Variants in RBFOX1 observed in about 807,000 individuals in gnomAD.
RBFOX1 encodes RNA binding fox-1 homolog 1, also known as RNA binding protein fox-1 homolog 1.
A neutral mutation model predicts 57.7 loss-of-function variants in RBFOX1; 8 were observed. The ratio of observed to expected loss-of-function variants is 0.14; its 90% CI spans 0.08 to 0.25. RBFOX1 has a LOEUF of 0.25. RBFOX1 is among the 10% of genes least tolerant of loss of function. The probability of loss-of-function intolerance (pLI) is 1.00; values close to 1 mark genes in which losing one functional copy is unlikely to be tolerated. For synonymous variants in RBFOX1, 326 were observed against 222.4 expected (o/e 1.47, Z -4.15); for missense variants, 611 against 548.5 (o/e 1.11, Z -1.14).
chr16:5,870,508 A>G (rs1014490693), intron 4 of RBFOX1, among the ~76,000 whole-genome samples: 2 of 151,974 alleles, frequency 1.3e-5, no homozygotes, highest in Non-Finnish European at 2.9e-5. Flanking sequence ...GGGAATTAGG[A>G]AGTGTAGGAA....
At chr16:5,727,307 A>T (rs12600197) in intron 3 of RBFOX1, among the ~76,000 whole-genome samples, 66,739 of 151,890 alleles carry the variant, frequency 0.44, 18,181 homozygotes, top group East Asian at 0.8. Context: ...AAATAAAACC[A>T]TGATGTGAAG....
intron 4 of RBFOX1, among the ~76,000 whole-genome samples, chr16:7,132,088 C>T (rs1017161871): frequency 2.0e-5 from 3 of 149,190 alleles, no homozygotes; most frequent in Non-Finnish European, 4.4e-5. Flanking sequence ...GCCGCCCGGG[C>T]TGAAGCAATT....
Position 6,131,496 on chromosome 16 carries a change from A to C in RBFOX1, c.-127+111504A>C, listed in dbSNP as rs112262213. On this transcript the variant is annotated intron_variant, in intron 1 of 15. Coordinates refer to ENST00000550418, the MANE Select transcript of RBFOX1 (RefSeq NM_018723.4). ...TCACTTATTTAAATGCAGCTTCTGA[A>C]AGTCACCCTCTAAGATTCTGATCCA... Among the ~76,000 whole-genome samples, 156 of 152,258 alleles carry C rather than the reference A, an allele frequency of 1.0e-3. 1 individual carries two copies. Among genetic ancestry groups the C allele is most frequent in the African/African-American group, 3.6e-3 (148 of 41,558 alleles).
rs557168381 is a variant in RBFOX1, at chr16:6,452,565, G to A, written c.-64+135508G>A. Among the ~76,000 whole-genome samples, 7 of 152,324 alleles carry A rather than the reference G, an allele frequency of 4.6e-5. No individual in the cohort carries two copies. The South Asian group carries it at 8.3e-4, about 18-fold the overall frequency. On this transcript the variant is annotated intron_variant, in intron 2 of 15. Transcript: ENST00000550418. The stretch of plus-strand genomic sequence containing the variant: ...TCTACCAGGGATGTACCTAGAGATC[G>A]TCAAGTGATACCTGAACAATAGGGG...
intron 3 of RBFOX1, among the ~76,000 whole-genome samples, chr16:5,727,310 A>C (rs1418143219): frequency 6.6e-6 from 1 of 152,166 alleles, no homozygotes; most frequent in Non-Finnish European, 1.5e-5. Flanking sequence ...TAAAACCATG[A>C]TGTGAAGACT....
intron 3 of RBFOX1, among the ~76,000 whole-genome samples, chr16:6,826,725 C>A (rs1021274115): frequency 6.6e-6 from 1 of 152,034 alleles, no homozygotes; most frequent in African/African-American, 2.4e-5. Flanking sequence ...ATTTTTCTCA[C>A]GCTCATTTCT....
intron 2 of RBFOX1, among the ~76,000 whole-genome samples, chr16:6,602,452 G>T (rs1601186056): frequency 6.6e-6 from 1 of 152,310 alleles, no homozygotes; most frequent in East Asian, 1.9e-4. Context: ...GAAGGCAGGT[G>T]AATCTCATGA....
chr16:5,643,935 A>C (rs898083134), intron 3 of RBFOX1, among the ~76,000 whole-genome samples: 2 of 152,198 alleles, frequency 1.3e-5, no homozygotes, highest in African/African-American at 2.4e-5. Context: ...CATTATACCA[A>C]ATGGGCCTAT....
chr16:6,546,746 G>T (rs1302641218), intron 2 of RBFOX1, among the ~76,000 whole-genome samples: 1 of 152,174 alleles, frequency 6.6e-6, no homozygotes, highest in East Asian at 1.9e-4. Context: ...CTGTCTTTTT[G>T]AGGGGACATG....
At chr16:7,054,538 A>C (rs2051390641) in intron 4 of RBFOX1, among the ~76,000 whole-genome samples, 1 of 52,122 alleles carries the variant, frequency 1.9e-5, no homozygotes, top group Non-Finnish European at 5.8e-5. Flanking sequence ...ACTGCGCCAA[A>C]CCTGGGTGGG....
intron 3 of RBFOX1, among the ~76,000 whole-genome samples, chr16:5,678,490 C>G (rs1472533057): frequency 6.6e-6 from 1 of 152,208 alleles, no homozygotes; most frequent in East Asian, 1.9e-4. Context: ...GCGGGTAGGG[C>G]AAGGTCTTCA....
intron 3 of RBFOX1, among the ~76,000 whole-genome samples, chr16:6,695,732 G>T (rs926987831): frequency 2.2e-4 from 34 of 152,184 alleles, no homozygotes; most frequent in African/African-American, 8.2e-4. Context: ...GGAAAATATA[G>T]TTCAAGAATC....
At position 5,467,219 on chromosome 16, in the gene RBFOX1, C is replaced by G. The variant is rs749618847; in HGVS notation, c.223C>G (p.Leu75Val). ...CTCTTTTTTTTTTTTAATGCAGGAT[C>G]TACTGTGCCTGCCATACAGCCTGGT... is the stretch of plus-strand genomic sequence containing the variant. Residue 75 changes from leucine to valine, a missense_variant, in exon 2 of 3, where the codon CTA becomes GTA. Leu to Val is a conservative substitution (Grantham distance 32). Coordinates refer to the RBFOX1 transcript ENST00000585867. 3.4e-6 allele frequency: 5 copies of G among 1,471,990 alleles called. No homozygotes were observed. In the East Asian group the frequency reaches 1.2e-4, roughly 37 times the overall value. The allele number at this position is 1,471,990 out of a possible 1,614,324, so 91.2% of individuals were successfully genotyped here.
chr16:7,006,978 C>G (rs965788337), intron 3 of RBFOX1, among the ~76,000 whole-genome samples: 1 of 152,150 alleles, frequency 6.6e-6, no homozygotes, highest in African/African-American at 2.4e-5. Context: ...AGAAGTACCA[C>G]ACATTTGGCA....
chr16:5,413,697 C>T (rs1015886083), intron 1 of RBFOX1, among the ~76,000 whole-genome samples: 6 of 152,142 alleles, frequency 3.9e-5, no homozygotes, highest in Admixed American at 2.6e-4. Context: ...AAGTGGTCAA[C>T]AATTAAAGCA....
At chr16:6,162,879 G>A (rs181028114) in intron 1 of RBFOX1, among the ~76,000 whole-genome samples, 3 of 152,148 alleles carry the variant, frequency 2.0e-5, no homozygotes, top group Admixed American at 6.5e-5. Flanking sequence ...GACTACAGGC[G>A]TGCACCACCA....
chr16:6,052,022 T>C (rs959720823), intron 1 of RBFOX1, among the ~76,000 whole-genome samples: 1 of 151,972 alleles, frequency 6.6e-6, no homozygotes, highest in Non-Finnish European at 1.5e-5. Flanking sequence ...TCTAGTCCAG[T>C]CCCCATCATG....
intron 3 of RBFOX1, among the ~76,000 whole-genome samples, chr16:6,986,149 C>CAA (rs1555719379): frequency 8.3e-6 from 1 of 120,868 alleles, no homozygotes; most frequent in East Asian, 3.6e-4. Context: ...GTACAATAAC[C>CAA]CTTATATACG....
chr16:6,745,733 A>G (rs1472385654), intron 3 of RBFOX1, among the ~76,000 whole-genome samples: 1 of 152,226 alleles, frequency 6.6e-6, no homozygotes, highest in African/African-American at 2.4e-5. Context: ...GATTGGGAAC[A>G]AAGCAAGGAT....
Sources: allele counts gnomAD v4.1 joint callset (sites outside exome capture counted in the v4.1 genomes callset), GRCh38; gene constraint gnomAD v4.1.1; transcripts MANE v1.5; gene names NCBI Gene and HGNC (gene_info 2026-07-23, HGNC 2026-07-21).